LPCAT1: variants seen among roughly 807,000 people sequenced by gnomAD.
LPCAT1 encodes 1-acylglycerol-3-phosphate O-acyltransferase.
LPCAT1 carries 23 observed loss-of-function variants against 60.9 expected under a neutral mutation model. That is an observed-to-expected ratio of 0.38 (90% CI 0.27 to 0.53). The LOEUF is 0.53. LPCAT1 is among the 20% of genes least tolerant of loss of function. The pLI, the probability that LPCAT1 is intolerant of heterozygous loss-of-function variation, is 0.82. For synonymous variants in LPCAT1, 340 were observed against 301.1 expected (o/e 1.13, Z -1.34); for missense variants, 622 against 723.6 (o/e 0.86, Z 1.61).
At chr5:1,463,974 C>T (rs966423079) in intron 13 of LPCAT1, 139 bp from the exon 14 acceptor site, 2 of 854,044 alleles carry the variant, frequency 2.3e-6, no homozygotes, top group Non-Finnish European at 3.7e-6. Flanking sequence ...GAAACGGATG[C>T]TTTCAGGGTG....
intron 3 of LPCAT1, among the ~76,000 whole-genome samples, 183 bp downstream of exon 3, chr5:1,494,517 G>A (rs1735706125): frequency 6.6e-6 from 1 of 151,670 alleles, no homozygotes; most frequent in African/African-American, 2.4e-5. Context: ...CCCAGAAGGG[G>A]GGGTCCCTAA....
intron 1 of LPCAT1, among the ~76,000 whole-genome samples, chr5:1,501,856 G>A (rs368064304): frequency 4.6e-5 from 7 of 151,836 alleles, no homozygotes; most frequent in South Asian, 2.1e-4. Flanking sequence ...AAGGCTGACC[G>A]GCACTGACCA....
intron 7 of LPCAT1, among the ~76,000 whole-genome samples, chr5:1,479,981 C>G (rs1442817386): frequency 2.0e-5 from 3 of 152,002 alleles, no homozygotes; most frequent in African/African-American, 7.2e-5. Flanking sequence ...TCCCTCCACA[C>G]CTGTCCCTCC....
At chr5:1,506,821 C>T (rs1736200998) in intron 1 of LPCAT1, among the ~76,000 whole-genome samples, 1 of 152,226 alleles carries the variant, frequency 6.6e-6, no homozygotes, top group South Asian at 2.1e-4. Context: ...TTTGCAGTGT[C>T]CACTGAGAGC....
chr5:1,464,225 C>T (rs1377439934), intron 13 of LPCAT1, among the ~76,000 whole-genome samples: 1 of 152,204 alleles, frequency 6.6e-6, no homozygotes, highest in Non-Finnish European at 1.5e-5. Flanking sequence ...GGGGTGCCCT[C>T]GTCCACCCTG....
chr5:1,468,991 T>C (rs972336622), intron 12 of LPCAT1, among the ~76,000 whole-genome samples: 1 of 152,164 alleles, frequency 6.6e-6, no homozygotes, highest in Non-Finnish European at 1.5e-5. Flanking sequence ...CAGGAAATGA[T>C]GACACCATGA....
At chr5:1,470,732 CTGA>C in intron 12 of LPCAT1, 91 bp downstream of exon 12, 3 of 869,120 alleles carry the variant, frequency 3.5e-6, no homozygotes, top group Non-Finnish European at 5.2e-6. Context: ...GATCAATTAA[CTGA>C]TATTATAAGG....
Position 1,508,138 on chromosome 5 carries a change from G to A in LPCAT1, c.136-6535C>T, listed in dbSNP as rs146972758. Among the ~76,000 whole-genome samples the A allele has an allele frequency of 5.9e-5, 9 of 152,232 alleles. No homozygotes were observed. In the South Asian group the frequency reaches 1.0e-3, roughly 18 times the overall value. Reference sequence around the variant, plus strand: ...GGTGAGAAGTCCGTGTCTGCTGTTCGGGAGGCACCTCGTCTGTGGTCCTTT... The same window carrying A: ...GGTGAGAAGTCCGTGTCTGCTGTTCAGGAGGCACCTCGTCTGTGGTCCTTT... On this transcript the variant is annotated intron_variant, in intron 1 of 13. Coordinates refer to ENST00000283415, the MANE Select transcript of LPCAT1 (RefSeq NM_024830.5).
chr5:1,483,224 A>G lies in LPCAT1; in HGVS notation c.726+204T>C, dbSNP rs1735229407. ...GGGACACGTGCATAGAACAGGCCGCACTCAGGAACGTGCCGAGCCCAGGGC... is the reference window on the plus strand; with the variant it reads ...GGGACACGTGCATAGAACAGGCCGCGCTCAGGAACGTGCCGAGCCCAGGGC... On this transcript the variant is annotated intron_variant, in intron 6 of 13. Coordinates refer to ENST00000283415, the MANE Select transcript of LPCAT1 (RefSeq NM_024830.5). The surrounding 1 kb of genome is among the most constrained non-coding windows in gnomAD (Gnocchi z 9.2). 6.6e-6 allele frequency among the ~76,000 whole-genome samples: 1 copy of G among 151,936 alleles called. No individual in the cohort carries two copies. The highest frequency in any genetic ancestry group is 6.6e-5 in the Admixed American group (1 of 15,266).
In LPCAT1 at chr5:1,479,758, C is replaced by T. The variant is rs1735059252; in HGVS notation, c.762-83G>A. On this transcript the variant is annotated intron_variant, in intron 7 of 13. Transcript: ENST00000283415. ...TACTCCCAATTCTGGGGTGAAACCTCCAGACGCGCCCTCCAGAGGGCGCTA... is the reference window on the plus strand; with the variant it reads ...TACTCCCAATTCTGGGGTGAAACCTTCAGACGCGCCCTCCAGAGGGCGCTA... 2.8e-6 allele frequency: 3 copies of T among 1,066,686 alleles called. No homozygotes were observed. In the Admixed American group the frequency reaches 5.8e-5, roughly 21 times the overall value. The allele number at this position is 1,066,686 out of a possible 1,614,324, so 66.1% of individuals were successfully genotyped here.
chr5:1,489,737 G>T lies in LPCAT1; in HGVS notation c.606+9C>A. 1 of 1,568,842 alleles carries T rather than the reference G, an allele frequency of 6.4e-7. No homozygotes were observed. Among genetic ancestry groups the T allele is most frequent in the Non-Finnish European group, 8.8e-7 (1 of 1,138,662 alleles). On this transcript the variant is annotated intron_variant, in intron 4 of 13. Transcript: ENST00000283415. The stretch of plus-strand genomic sequence containing the variant: ...ACCACTGAAACACAATCAGGGCTAC[G>T]TGCATTACCTGTGGCCACTTTCCGT...
intron 3 of LPCAT1, among the ~76,000 whole-genome samples, chr5:1,490,547 CT>C (rs1346367572): frequency 6.6e-6 from 1 of 152,208 alleles, no homozygotes; most frequent in African/African-American, 2.4e-5. Context: ...GCGGCCAGCA[CT>C]TTGTTCTGGC....
chr5:1,506,150 G>T (rs554524858), intron 1 of LPCAT1, among the ~76,000 whole-genome samples: 24 of 152,378 alleles, frequency 1.6e-4, no homozygotes, highest in African/African-American at 5.8e-4. Context: ...GCCTCCAGCA[G>T]ATGGGGAGGG....
At chr5:1,500,332 A>G (rs1362720983) in intron 2 of LPCAT1, among the ~76,000 whole-genome samples, 1 of 152,286 alleles carries the variant, frequency 6.6e-6, no homozygotes, top group African/African-American at 2.4e-5. Context: ...AATGGCAGAT[A>G]CTTTCAGTGA....
chr5:1,500,357 G>C (rs1735960219), intron 2 of LPCAT1, among the ~76,000 whole-genome samples: 1 of 152,222 alleles, frequency 6.6e-6, no homozygotes, highest in Non-Finnish European at 1.5e-5. Context: ...ACAGCTTTAG[G>C]AATTTAAATG....
At chr5:1,474,805 G>C (rs1713976567) in intron 9 of LPCAT1, 120 bp from the exon 10 acceptor site, 12 of 1,317,700 alleles carry the variant, frequency 9.1e-6, no homozygotes, top group Non-Finnish European at 1.2e-5. Flanking sequence ...AGTGAGACAG[G>C]GGAAGGGCCA....
intron 1 of LPCAT1, among the ~76,000 whole-genome samples, chr5:1,516,206 C>A (rs963048101): frequency 6.6e-6 from 1 of 152,208 alleles, no homozygotes; most frequent in Non-Finnish European, 1.5e-5. Flanking sequence ...ATGGCACAGG[C>A]GCCACGTGGT....
rs371294656 is a variant in LPCAT1, at chr5:1,463,647, G to A, written c.*4C>T. The A allele has an allele frequency of 1.2e-4, 189 of 1,613,926 alleles. No homozygotes were observed. In the African/African-American group the frequency reaches 2.1e-3, roughly 18 times the overall value. On this transcript the variant is annotated 3_prime_UTR_variant, in exon 14 of 14. Coordinates refer to ENST00000283415, the MANE Select transcript of LPCAT1 (RefSeq NM_024830.5). The stretch of plus-strand genomic sequence containing the variant: ...GGGGCCGCGTCTCTCCGCAACCCTG[G>A]GTCCTAATCCAGCTTCTTGCGAACA...
chr5:1,499,513 C>A (rs1735928330), intron 2 of LPCAT1, among the ~76,000 whole-genome samples: 1 of 152,192 alleles, frequency 6.6e-6, no homozygotes, highest in African/African-American at 2.4e-5. Flanking sequence ...ATATTTGATA[C>A]CCAATTCCTA....
Sources: allele counts gnomAD v4.1 joint callset (sites outside exome capture counted in the v4.1 genomes callset), GRCh38; gene constraint gnomAD v4.1.1; non-coding constraint Gnocchi (gnomAD v3.1); transcripts MANE v1.5; gene names NCBI Gene and HGNC (gene_info 2026-07-23, HGNC 2026-07-21).